The following LCOR variants were observed in gnomAD, a reference collection of about 807,000 sequenced individuals.
LCOR encodes the protein ligand dependent nuclear receptor corepressor, also known as ligand-dependent corepressor.
Under a neutral mutation model 64.4 loss-of-function variants are expected in LCOR, and 14 were observed. The ratio of observed to expected loss-of-function variants is 0.22; its 90% CI spans 0.14 to 0.34. The LOEUF (loss-of-function observed/expected upper bound fraction) is 0.34, where lower values mean the gene tolerates loss of function less well. Among genes scored for constraint, LCOR ranks in the 10% least tolerant of loss-of-function variants. The pLI is 1.00. For synonymous variants in LCOR, 643 were observed against 642.5 expected, an observed-to-expected ratio of 1.00 and a Z score of -0.01; for missense variants, 1,686 against 1,765.3, an observed-to-expected ratio of 0.96 and a Z score of 0.80.
chr10:96,837,965 CT>C (rs1243188091), intron 2 of LCOR, among the ~76,000 whole-genome samples: 6 of 152,182 alleles, frequency 3.9e-5, no homozygotes, highest in Non-Finnish European at 7.3e-5. Context: ...AAAGCTGTTA[CT>C]TTTCATAGTT....
chr10:96,921,612 C>G (rs1847083190), intron 4 of LCOR, among the ~76,000 whole-genome samples: 1 of 152,140 alleles, frequency 6.6e-6, no homozygotes, highest in African/African-American at 2.4e-5. Flanking sequence ...CAGATGCATG[C>G]CATCACACCT....
At chr10:96,873,571 C>CGTGTGTGTGT (rs55893181) in intron 2 of LCOR, among the ~76,000 whole-genome samples, 1,566 of 126,308 alleles carry the variant, frequency 0.012, 30 homozygotes, top group East Asian at 0.04. Context: ...CACACACACA[C>CGTGTGTGTGT]GTGTGTGTGT....
Position 96,981,891 on chromosome 10 carries a change from A to G in LCOR, c.1431A>G (p.Gln477=), listed in dbSNP as rs1450477023. The G allele has an allele frequency of 6.2e-7, 1 of 1,614,126 alleles. No homozygotes were observed. Among genetic ancestry groups the G allele is most frequent in the Non-Finnish European group, 8.5e-7 (1 of 1,180,054 alleles). The part of the protein sequence containing the change: ...DNQCDVVYIS[Q]PITECHFENQ... ...AGTGTGATGTTGTTTATATCAGTCAACCAATAACAGAATGCCACTTTGAGA... is the reference window on the plus strand; with the variant it reads ...AGTGTGATGTTGTTTATATCAGTCAGCCAATAACAGAATGCCACTTTGAGA... Residue 477 remains glutamine (Q), a synonymous_variant, in exon 8 of 8, where the codon CAA becomes CAG. Coordinates refer to ENST00000421806, the MANE Select transcript of LCOR (RefSeq NM_001346516.2).
intron 5 of LCOR, among the ~76,000 whole-genome samples, chr10:96,945,900 CTT>C (rs1847581226): frequency 6.6e-6 from 1 of 151,568 alleles, no homozygotes; most frequent in Non-Finnish European, 1.5e-5. Flanking sequence ...AGAGGAATAA[CTT>C]TCAAGTTTTT....
chr10:96,874,460 T>TC lies in LCOR; in HGVS notation c.-329-32803dup, dbSNP rs777084633. On this transcript the variant is annotated intron_variant, in intron 2 of 7. Transcript: ENST00000421806. ...TGCTTACTATTTTACCCAATTTATC[T>TC]CCATGTCCCAGTAATCAGCATAATA... Among the ~76,000 whole-genome samples, 10 of 152,282 alleles carry TC rather than the reference T, an allele frequency of 6.6e-5. No individual in the cohort carries two copies. In the East Asian group the frequency reaches 7.7e-4, roughly 12 times the overall value.
intron 4 of LCOR, among the ~76,000 whole-genome samples, chr10:96,940,449 A>AGAG (rs1458331827): frequency 1.6e-5 from 2 of 124,518 alleles, no homozygotes; most frequent in African/African-American, 6.1e-5. Flanking sequence ...TTTCCTAGGC[A>AGAG]GAGGACCCTG....
Position 96,990,550 on chromosome 10 carries a change from C to G in LCOR, c.*5416C>G, listed in dbSNP as rs1848191154. The stretch of plus-strand genomic sequence containing the variant: ...GGATTGGAAGACTTGAGGATCCAGT[C>G]TCTTTCCTTTATAGATAATTAGACT... On this transcript the variant is annotated 3_prime_UTR_variant, in exon 8 of 8. Coordinates refer to ENST00000421806, the MANE Select transcript of LCOR (RefSeq NM_001346516.2). 6.6e-6 allele frequency: 1 copy of G among 152,206 alleles called. No individual in the cohort carries two copies. Among genetic ancestry groups the G allele is most frequent in the Non-Finnish European group, 1.5e-5 (1 of 68,084 alleles). 9.4% of individuals were successfully genotyped at this position (152,206 alleles called of 1,614,324 possible).
intron 6 of LCOR, among the ~76,000 whole-genome samples, chr10:96,950,694 T>A (rs1212442090): frequency 6.6e-6 from 1 of 152,124 alleles, no homozygotes; most frequent in Non-Finnish European, 1.5e-5. Flanking sequence ...AGACTTCAAA[T>A]GAAGTAAAAA....
intron 2 of LCOR, among the ~76,000 whole-genome samples, chr10:96,857,879 T>G (rs1158962749): frequency 1.3e-5 from 2 of 152,126 alleles, no homozygotes; most frequent in African/African-American, 2.4e-5. Flanking sequence ...CAGTTTCACC[T>G]CTCTCTCTAT....
chr10:96,849,825 C>T (rs1332611827), intron 2 of LCOR, among the ~76,000 whole-genome samples: 1 of 150,564 alleles, frequency 6.6e-6, no homozygotes, highest in African/African-American at 2.5e-5. Context: ...CATGATGCCC[C>T]ATGATGGGAC....
rs190642046 is a variant in LCOR, at chr10:96,852,689, A to C, written c.-330+19210A>C. ...AGCCCATGGAGATAGAGCTCCATGA[A>C]GTAGAAGCAATGGTAGAAGTAGAAG... On this transcript the variant is annotated intron_variant, in intron 2 of 7. Coordinates refer to ENST00000421806, the MANE Select transcript of LCOR (RefSeq NM_001346516.2). Among the ~76,000 whole-genome samples the C allele has an allele frequency of 7.2e-5, 11 of 152,336 alleles. No individual in the cohort carries two copies. The East Asian group carries it at 2.1e-3, about 29-fold the overall frequency.
intron 2 of LCOR, among the ~76,000 whole-genome samples, chr10:96,844,696 G>A (rs904689519): frequency 3.3e-5 from 5 of 152,084 alleles, no homozygotes; most frequent in African/African-American, 1.2e-4. Context: ...TGTTCAACTG[G>A]CCATTCTTCA....
At chr10:96,892,735 A>AC (rs1196562201) in intron 2 of LCOR, among the ~76,000 whole-genome samples, 2 of 152,154 alleles carry the variant, frequency 1.3e-5, no homozygotes, top group Non-Finnish European at 2.9e-5. Flanking sequence ...TTTGTCTGAT[A>AC]CTAGTATAGC....
At chr10:96,841,918 C>T (rs934947444) in intron 2 of LCOR, among the ~76,000 whole-genome samples, 1 of 150,586 alleles carries the variant, frequency 6.6e-6, no homozygotes, top group Non-Finnish European at 1.5e-5. Context: ...ATTATTTTTA[C>T]TCATAATACT....
rs548680728 is a variant in LCOR at position 96,952,589 on chromosome 10, TTTTG to T, written c.332+401_332+404del. 2.6e-3 allele frequency among the ~76,000 whole-genome samples: 394 copies of T among 152,106 alleles called. 4 individuals carry two copies. The highest frequency in any genetic ancestry group is 6.8e-3 in the Middle Eastern group (2 of 294). ...TTTGTGTGTGTGTGTGTGTGTTCAT[TTTTG>T]TTTGTTTCTTTTGGGTTTGGTTTTG... On this transcript the variant is annotated intron_variant, in intron 7 of 7. Coordinates refer to ENST00000421806, the MANE Select transcript of LCOR (RefSeq NM_001346516.2).
intron 2 of LCOR, among the ~76,000 whole-genome samples, chr10:96,867,863 A>G (rs1846000220): frequency 6.6e-6 from 1 of 152,184 alleles, no homozygotes; most frequent in Non-Finnish European, 1.5e-5. Flanking sequence ...AATTTTAACA[A>G]CGATGATGTT....
intron 2 of LCOR, among the ~76,000 whole-genome samples, chr10:96,900,605 A>T (rs1589642859): frequency 6.6e-6 from 1 of 152,092 alleles, no homozygotes; most frequent in African/African-American, 2.4e-5. Context: ...GACTGACAAC[A>T]TATTAGAGAT....
At chr10:96,883,262 A>C (rs755241935) in intron 2 of LCOR, among the ~76,000 whole-genome samples, 1 of 152,042 alleles carries the variant, frequency 6.6e-6, no homozygotes, top group African/African-American at 2.4e-5. Flanking sequence ...TTGAACTCCA[A>C]CCTCAGGTGA....
intron 5 of LCOR, among the ~76,000 whole-genome samples, chr10:96,944,454 G>C (rs1159200291): frequency 6.6e-6 from 1 of 152,074 alleles, no homozygotes; most frequent in Non-Finnish European, 1.5e-5. Flanking sequence ...GTGATGGTGA[G>C]TTTTAATTAA....
Sources: gnomAD v4.1 joint callset for allele counts (sites outside exome capture counted in the v4.1 genomes callset) on GRCh38, gnomAD v4.1.1 for gene constraint, MANE v1.5 for transcripts, NCBI Gene and HGNC (gene_info 2026-07-23, HGNC 2026-07-21) for gene names.